AGGF1: variants seen among roughly 807,000 people sequenced by gnomAD.
The protein encoded by AGGF1 is angiogenic factor with G-patch and FHA domains 1, also known as angiogenic factor with G patch and FHA domains 1.
In AGGF1, 56 loss-of-function variants were observed where a neutral mutation model predicts 86.5. The observed-to-expected ratio is 0.65, with a 90% CI of 0.52 to 0.81. AGGF1 has a LOEUF of 0.81. Ranked by LOEUF, AGGF1 falls within the 30% of genes least tolerant of loss-of-function variation. AGGF1 has a pLI of 0.00. For synonymous variants in AGGF1, 313 were observed against 297.1 expected (o/e 1.05, Z -0.55); for missense variants, 816 against 850.9 (o/e 0.96, Z 0.51).
chr5:77,064,561 G>A lies in AGGF1; in HGVS notation c.*1309G>A, dbSNP rs1580139764. On this transcript the variant is annotated 3_prime_UTR_variant, in exon 14 of 14. Transcript: ENST00000312916. ...TAAAGATGAGAGGTATGAACGAGTTGTCAGGTTCCTATGGGCTTAAGCTAG... is the reference window on the plus strand; with the variant it reads ...TAAAGATGAGAGGTATGAACGAGTTATCAGGTTCCTATGGGCTTAAGCTAG... 1 of 152,204 alleles carries A rather than the reference G, an allele frequency of 6.6e-6. No homozygotes were observed. Among genetic ancestry groups the A allele is most frequent in the East Asian group, 1.9e-4 (1 of 5,200 alleles). The allele number at this position is 152,204 out of a possible 1,614,324, so 9.4% of individuals were successfully genotyped here.
At chr5:77,040,324 C>T (rs369927319) in intron 5 of AGGF1, among the ~76,000 whole-genome samples, 4 of 151,316 alleles carry the variant, frequency 2.6e-5, no homozygotes, top group African/African-American at 9.7e-5. Flanking sequence ...TGGTCAGGCT[C>T]GTCTCGAACT....
intron 5 of AGGF1, among the ~76,000 whole-genome samples, chr5:77,042,481 G>A (rs1411134569): frequency 8.6e-5 from 5 of 58,022 alleles, no homozygotes; most frequent in African/African-American, 2.0e-4. Flanking sequence ...GCGGCTGGCC[G>A]GGCGGGGGGC....
chr5:77,054,241 C>A, intron 10 of AGGF1, 111 bp downstream of exon 10: 1 of 1,248,974 alleles, frequency 8.0e-7, no homozygotes, highest in Non-Finnish European at 1.2e-6. Context: ...TACGATACTG[C>A]ATTGAGAGAT....
At chr5:77,049,872 C>G (rs1485511728) in intron 8 of AGGF1, among the ~76,000 whole-genome samples, 1 of 152,040 alleles carries the variant, frequency 6.6e-6, no homozygotes, top group East Asian at 1.9e-4. Context: ...ATTTCTCTTT[C>G]CTGTACTATG....
intron 2 of AGGF1, among the ~76,000 whole-genome samples, chr5:77,035,035 A>G (rs1305912617): frequency 2.6e-5 from 4 of 152,236 alleles, no homozygotes; most frequent in Non-Finnish European, 5.9e-5. Context: ...CAGTCAGGAC[A>G]TAATTTTTGG....
At position 77,036,677 on chromosome 5, in the gene AGGF1, C is replaced by T. The variant is rs1320811936; in HGVS notation, c.638C>T (p.Thr213Ile). 1.2e-6 allele frequency: 2 copies of T among 1,613,200 alleles called. No homozygotes were observed. The highest frequency in any genetic ancestry group is 1.7e-6 in the Non-Finnish European group (2 of 1,180,012). ...SQTGFSYDEN[T>I]GLYFDHSTGF... is the part of the protein sequence containing the mutation. Reference sequence around the variant, plus strand: ...ACTGGATTTAGTTATGATGAAAATACTGGACTGTATTTTGACCACAGCACT... The same window carrying T: ...ACTGGATTTAGTTATGATGAAAATATTGGACTGTATTTTGACCACAGCACT... The change falls in exon 4 of 14, where the codon ACT becomes ATT. Residue 213 changes from threonine to isoleucine, a missense_variant. Thr to Ile is a moderately conservative substitution (Grantham distance 89, BLOSUM62 -1). Around this residue, in one of 3 missense-constraint regions of AGGF1, gnomAD observed 11 missense variants for 30.7 expected, o/e 0.36. Coordinates refer to ENST00000312916, the MANE Select transcript of AGGF1 (RefSeq NM_018046.5).
rs1182704224 is a variant in AGGF1 at position 77,030,587 on chromosome 5, C to T, written c.-180C>T. 7 of 764,948 alleles carry T rather than the reference C, an allele frequency of 9.2e-6. No homozygotes were observed. In the East Asian group the frequency reaches 1.6e-4, roughly 18 times the overall value. 47.4% of individuals were successfully genotyped at this position (764,948 alleles called of 1,614,324 possible). A position where few individuals can be genotyped will look rare whatever the true frequency, so the allele number is the denominator to read the frequency against. On this transcript the variant is annotated 5_prime_UTR_variant, in exon 1 of 14. Coordinates refer to ENST00000312916, the MANE Select transcript of AGGF1 (RefSeq NM_018046.5). ...ATCCTCGGTCCCCTTGCTCGTTGCT[C>T]GCAGCCCCGTTCGGCTACAAGTGAG...
At position 77,046,446 on chromosome 5, in the gene AGGF1, A is replaced by G; in HGVS notation, c.970A>G (p.Ile324Val). ...ANMKKKAKIG[I>V]HHKNSPPKVT... ...TATGAAAAAGAAGGCCAAAATAGGC[A>G]TTCATCACAAAAATAGTCCCCCCAA... Residue 324 changes from isoleucine to valine, a missense_variant, in exon 6 of 14, where the codon ATT becomes GTT. By Grantham distance (29) the Ile-to-Val change is conservative. Transcript: ENST00000312916. The G allele has an allele frequency of 6.2e-7, 1 of 1,614,024 alleles. No homozygotes were observed. Among genetic ancestry groups the G allele is most frequent in the Non-Finnish European group, 8.5e-7 (1 of 1,179,938 alleles).
At chr5:77,060,010 T>C (rs905442030) in intron 12 of AGGF1, among the ~76,000 whole-genome samples, 4 of 152,168 alleles carry the variant, frequency 2.6e-5, no homozygotes, top group Non-Finnish European at 4.4e-5. Context: ...CCCAGCTAAT[T>C]TTTGTGTTTT....
intron 8 of AGGF1, among the ~76,000 whole-genome samples, chr5:77,050,315 T>TG (rs1747348577): frequency 1.3e-5 from 1 of 79,432 alleles, no homozygotes; most frequent in African/African-American, 3.6e-5. Context: ...TCTTTTTTTT[T>TG]TTTTTTTTTT....
intron 5 of AGGF1, among the ~76,000 whole-genome samples, chr5:77,042,785 G>C (rs1305245202): frequency 1.9e-5 from 1 of 52,706 alleles, no homozygotes; most frequent in Non-Finnish European, 4.8e-5. Flanking sequence ...CCTCCCTCCC[G>C]GACGGGGCGG....
intron 7 of AGGF1, among the ~76,000 whole-genome samples, chr5:77,048,670 A>G (rs1053274438): frequency 1.3e-5 from 2 of 152,166 alleles, no homozygotes; most frequent in Admixed American, 6.5e-5. Flanking sequence ...GCATTATTCT[A>G]TGTGCTGTGG....
chr5:77,043,258 C>A (rs868776831), intron 5 of AGGF1, among the ~76,000 whole-genome samples: 1 of 29,416 alleles, frequency 3.4e-5, no homozygotes, highest in South Asian at 1.4e-3. Context: ...TAGGGGCGGC[C>A]GGGCAGAGGC....
At chr5:77,037,285 T>TA (rs760140536) in intron 4 of AGGF1, among the ~76,000 whole-genome samples, 2 of 152,320 alleles carry the variant, frequency 1.3e-5, no homozygotes, top group African/African-American at 2.4e-5. Flanking sequence ...TTTTAGAACC[T>TA]AAACCAGTAT....
intron 5 of AGGF1, among the ~76,000 whole-genome samples, chr5:77,042,111 G>C (rs1025130569): frequency 8.6e-5 from 13 of 151,858 alleles, no homozygotes; most frequent in African/African-American, 3.1e-4. Context: ...ACATGTTTCA[G>C]AGAGCACAGG....
At position 77,042,530 on chromosome 5, in the gene AGGF1, C is replaced by T. The variant is rs753253383; in HGVS notation, c.870+2811C>T. ...CTCCCTCCCGGACGGGGCGGCTGGC[C>T]GGGCAGAGGCGCCCCTCACCTCCCG... On this transcript the variant is annotated intron_variant, in intron 5 of 13. Transcript: ENST00000312916. Among the ~76,000 whole-genome samples the T allele has an allele frequency of 1.0e-4, 8 of 76,996 alleles. 1 individual carries two copies. The highest frequency in any genetic ancestry group is 7.0e-3 in the Middle Eastern group (1 of 142). 50.5% of individuals were successfully genotyped at this position (76,996 alleles called of 152,430 possible). A position where few individuals can be genotyped will look rare whatever the true frequency, so the allele number is the denominator to read the frequency against.
chr5:77,056,673 C>G lies in AGGF1; in HGVS notation c.1716+1077C>G, dbSNP rs1406028906. ...TGGATCATAGATATAAAAGTAAAAC[C>G]TAAAACTTTAAAACTTCTAGAAACT... On this transcript the variant is annotated intron_variant, in intron 11 of 13. Transcript: ENST00000312916. Among the ~76,000 whole-genome samples, 3 of 151,574 alleles carry G rather than the reference C, an allele frequency of 2.0e-5. No homozygotes were observed. The East Asian group carries it at 5.8e-4, about 29-fold the overall frequency.
At chr5:77,044,374 C>T (rs934224152) in intron 5 of AGGF1, among the ~76,000 whole-genome samples, 3 of 152,148 alleles carry the variant, frequency 2.0e-5, no homozygotes, top group East Asian at 1.9e-4. Context: ...ACCTGTGAGG[C>T]CAAGAGAGTA....
At chr5:77,049,045 TAC>T in intron 8 of AGGF1, 58 bp downstream of exon 8, 1 of 1,531,882 alleles carries the variant, frequency 6.5e-7, no homozygotes, top group South Asian at 1.1e-5. Context: ...ATATTATTAT[TAC>T]AGTAGAAAGC....
Sources: allele counts gnomAD v4.1 joint callset (sites outside exome capture counted in the v4.1 genomes callset), GRCh38; gene constraint gnomAD v4.1.1; regional missense constraint gnomAD v4.1.1; transcripts MANE v1.5; gene names NCBI Gene and HGNC (gene_info 2026-07-23, HGNC 2026-07-21).